The following DCC variants were observed in gnomAD, a reference collection of about 807,000 sequenced individuals.
DCC encodes the protein netrin receptor DCC.
Under a neutral mutation model 172.5 loss-of-function variants are expected in DCC, and 58 were observed. The ratio of observed to expected loss-of-function variants is 0.34; its 90% CI spans 0.27 to 0.42. The LOEUF is 0.42. Ranked by LOEUF, DCC falls within the 10% of genes least tolerant of loss-of-function variation. The probability of loss-of-function intolerance (pLI) is 1.00; values close to 1 mark genes in which losing one functional copy is unlikely to be tolerated. For synonymous variants in DCC, 709 were observed against 644.5 expected, an observed-to-expected ratio of 1.10 and a Z score of -1.52; for missense variants, 1,740 against 1,791.0, an observed-to-expected ratio of 0.97 and a Z score of 0.51.
At chr18:52,984,274 C>G (rs1785869146) in intron 5 of DCC, among the ~76,000 whole-genome samples, 1 of 152,016 alleles carries the variant, frequency 6.6e-6, no homozygotes, top group Non-Finnish European at 1.5e-5. Context: ...GAATTTTTCT[C>G]TATAGATAAA....
intron 25 of DCC, among the ~76,000 whole-genome samples, chr18:53,483,187 T>G (rs2045857812): frequency 6.6e-6 from 1 of 151,988 alleles, no homozygotes; most frequent in South Asian, 2.1e-4. Flanking sequence ...TTTAAAAGTT[T>G]CCTTGTCATT....
intron 1 of DCC, among the ~76,000 whole-genome samples, chr18:52,526,318 A>G (rs1388730211): frequency 6.6e-6 from 1 of 152,160 alleles, no homozygotes; most frequent in African/African-American, 2.4e-5. Context: ...TGCAATGAGA[A>G]TATTGAGTAT....
At chr18:53,388,225 A>G (rs1421746862) in intron 16 of DCC, among the ~76,000 whole-genome samples, 2 of 152,234 alleles carry the variant, frequency 1.3e-5, no homozygotes, top group Non-Finnish European at 2.9e-5. Context: ...TCAAAAAGGA[A>G]AGAAAACACT....
At chr18:53,388,947 G>C (rs953031331) in intron 16 of DCC, among the ~76,000 whole-genome samples, 1 of 151,992 alleles carries the variant, frequency 6.6e-6, no homozygotes, top group African/African-American at 2.4e-5. Context: ...ACTATACCTG[G>C]TATTTTTTGT....
At chr18:52,638,000 G>A (rs1338706855) in intron 1 of DCC, among the ~76,000 whole-genome samples, 2 of 152,284 alleles carry the variant, frequency 1.3e-5, no homozygotes, top group East Asian at 3.9e-4. Flanking sequence ...GGAAGGGATT[G>A]GGGCCCTATC....
chr18:52,538,906 A>G (rs2032361721), intron 1 of DCC, among the ~76,000 whole-genome samples: 1 of 152,244 alleles, frequency 6.6e-6, no homozygotes, highest in Non-Finnish European at 1.5e-5. Flanking sequence ...TGAATAAATA[A>G]ATGAATGAGT....
At chr18:53,248,239 G>A (rs1011234111) in intron 12 of DCC, among the ~76,000 whole-genome samples, 1 of 151,840 alleles carries the variant, frequency 6.6e-6, no homozygotes, top group Non-Finnish European at 1.5e-5. Flanking sequence ...GTATATGTTG[G>A]AAGATGGTGA....
intron 1 of DCC, among the ~76,000 whole-genome samples, chr18:52,454,557 G>A (rs565150877): frequency 1.1e-3 from 165 of 151,478 alleles, no homozygotes; most frequent in African/African-American, 3.9e-3. Context: ...CCTATTGACC[G>A]TGGTCACTAA....
intron 7 of DCC, among the ~76,000 whole-genome samples, chr18:53,119,717 C>T (rs943726653): frequency 2.6e-5 from 4 of 151,810 alleles, no homozygotes; most frequent in African/African-American, 9.7e-5. Context: ...TCATTATCAT[C>T]ATGATTATCA....
At chr18:53,330,835 A>T (rs1358019520) in intron 14 of DCC, among the ~76,000 whole-genome samples, 2 of 152,214 alleles carry the variant, frequency 1.3e-5, no homozygotes, top group African/African-American at 4.8e-5. Flanking sequence ...TTTCACTCAG[A>T]TGTCTTTTCT....
At chr18:53,285,073 T>C (rs909459514) in intron 12 of DCC, among the ~76,000 whole-genome samples, 2 of 151,850 alleles carry the variant, frequency 1.3e-5, no homozygotes, top group African/African-American at 4.8e-5. Context: ...AAACAGAAGA[T>C]AAAAGTCTGG....
intron 5 of DCC, among the ~76,000 whole-genome samples, chr18:53,042,041 G>A (rs963484300): frequency 6.6e-6 from 1 of 151,962 alleles, no homozygotes; most frequent in East Asian, 1.9e-4. Context: ...CCAATACTGT[G>A]TTGAACGGGA....
At chr18:52,542,774 G>A (rs1221748791) in intron 1 of DCC, among the ~76,000 whole-genome samples, 5 of 152,130 alleles carry the variant, frequency 3.3e-5, no homozygotes, top group African/African-American at 4.8e-5. Context: ...GGGAATAGGA[G>A]GTTGTAGTAA....
intron 1 of DCC, among the ~76,000 whole-genome samples, chr18:52,543,276 A>G (rs1027291162): frequency 6.6e-6 from 1 of 152,226 alleles, no homozygotes; most frequent in African/African-American, 2.4e-5. Context: ...TATATTTAAA[A>G]TGTTATCATT....
intron 1 of DCC, among the ~76,000 whole-genome samples, chr18:52,557,199 AC>A (rs1433408905): frequency 1.3e-5 from 2 of 152,204 alleles, no homozygotes; most frequent in African/African-American, 4.8e-5. Flanking sequence ...AAAACAGTTA[AC>A]AAAGTATGTT....
chr18:52,471,829 C>T (rs1003740059), intron 1 of DCC, among the ~76,000 whole-genome samples: 1 of 152,204 alleles, frequency 6.6e-6, no homozygotes, highest in African/African-American at 2.4e-5. Context: ...TTTGTGTAAC[C>T]TTGCTGAACC....
intron 27 of DCC, among the ~76,000 whole-genome samples, chr18:53,514,535 A>AATTG (rs1486839615): frequency 1.1e-4 from 17 of 152,178 alleles, no homozygotes; most frequent in African/African-American, 3.9e-4. Flanking sequence ...GGATCAACAA[A>AATTG]ATTGATAGAC....
chr18:52,734,207 G>A (rs1280063497), intron 1 of DCC, among the ~76,000 whole-genome samples: 2 of 152,008 alleles, frequency 1.3e-5, no homozygotes, highest in Non-Finnish European at 2.9e-5. Flanking sequence ...TACATGAGAT[G>A]TTTTGCAGTT....
intron 9 of DCC, among the ~76,000 whole-genome samples, chr18:53,193,396 A>C (rs943339857): frequency 1.3e-5 from 2 of 152,160 alleles, no homozygotes; most frequent in Non-Finnish European, 2.9e-5. Flanking sequence ...AATAGTTAAC[A>C]TTCATTGAGC....
Sources: gnomAD v4.1 joint callset for allele counts (sites outside exome capture counted in the v4.1 genomes callset) on GRCh38, gnomAD v4.1.1 for gene constraint, MANE v1.5 for transcripts, NCBI Gene and HGNC (gene_info 2026-07-23, HGNC 2026-07-21) for gene names.